HS3ST5: variants seen among roughly 807,000 people sequenced by gnomAD.
HS3ST5 encodes heparan sulfate glucosamine 3-O-sulfotransferase 5.
A neutral mutation model predicts 25.4 loss-of-function variants in HS3ST5; 10 were observed. The observed-to-expected ratio is 0.39, with a 90% CI of 0.24 to 0.67. The LOEUF (loss-of-function observed/expected upper bound fraction) is 0.67. Among genes scored for constraint, HS3ST5 ranks in the 30% least tolerant of loss-of-function variants. The pLI, the probability that HS3ST5 is intolerant of heterozygous loss-of-function variation, is 0.44. For synonymous variants in HS3ST5, 170 were observed against 162.4 expected (o/e 1.05, Z -0.36); for missense variants, 324 against 420.7 (o/e 0.77, Z 2.01).
chr6:114,289,787 T>G (rs1169229353), intron 1 of HS3ST5, among the ~76,000 whole-genome samples: 1 of 152,166 alleles, frequency 6.6e-6, no homozygotes, highest in African/African-American at 2.4e-5. Flanking sequence ...CAGATAGAGC[T>G]GAACTCAGGA....
intron 2 of HS3ST5, among the ~76,000 whole-genome samples, chr6:114,183,372 G>T (rs1160686421): frequency 6.6e-6 from 1 of 152,152 alleles, no homozygotes; most frequent in Non-Finnish European, 1.5e-5. Context: ...CTGCTGCCAT[G>T]TGAGATGTGC....
intron 1 of HS3ST5, among the ~76,000 whole-genome samples, chr6:114,282,511 A>G (rs1774159779): frequency 1.3e-5 from 2 of 151,988 alleles, no homozygotes. Context: ...CTGTCGGAGG[A>G]TACAGCTGCC....
intron 1 of HS3ST5, among the ~76,000 whole-genome samples, chr6:114,229,886 A>T (rs1771493133): frequency 6.6e-6 from 1 of 152,206 alleles, no homozygotes; most frequent in Non-Finnish European, 1.5e-5. Context: ...GTGAAGGATG[A>T]GCAACTTAAC....
chr6:114,156,803 C>T (rs1778718789), intron 3 of HS3ST5, among the ~76,000 whole-genome samples: 1 of 152,116 alleles, frequency 6.6e-6, no homozygotes, highest in African/African-American at 2.4e-5. Context: ...GTAGCTATTC[C>T]TTCTCGGTGT....
chr6:114,063,893 G>A (rs1046970063), intron 3 of HS3ST5, among the ~76,000 whole-genome samples: 2 of 152,122 alleles, frequency 1.3e-5, no homozygotes, highest in South Asian at 2.1e-4. Context: ...AGACAGGTTT[G>A]GTGATATTGG....
intron 1 of HS3ST5, among the ~76,000 whole-genome samples, chr6:114,244,420 G>T (rs192793824): frequency 6.6e-6 from 1 of 152,170 alleles, no homozygotes; most frequent in African/African-American, 2.4e-5. Flanking sequence ...AAACCATTCT[G>T]AGGCTCATTT....
At chr6:114,155,340 G>C (rs1778650438) in intron 3 of HS3ST5, among the ~76,000 whole-genome samples, 1 of 152,108 alleles carries the variant, frequency 6.6e-6, no homozygotes. Context: ...AAAGAATAGA[G>C]AGTAAAGTGA....
chr6:114,294,098 G>C lies in HS3ST5; in HGVS notation c.-339+48097C>G, dbSNP rs759369395. Among the ~76,000 whole-genome samples the C allele has an allele frequency of 1.4e-4, 22 of 152,300 alleles. 1 individual carries two copies. The highest frequency in any genetic ancestry group is 3.1e-4 in the Non-Finnish European group (21 of 68,024). The stretch of plus-strand genomic sequence containing the variant: ...CACCTAATCTCAATAACGTGTTAAG[G>C]AGAAACACTTAAGGAGAAGCAGCTG... On this transcript the variant is annotated intron_variant, in intron 1 of 4. Transcript: ENST00000312719.
At chr6:114,172,251 C>T (rs912125334) in intron 2 of HS3ST5, among the ~76,000 whole-genome samples, 1 of 152,138 alleles carries the variant, frequency 6.6e-6, no homozygotes, top group African/African-American at 2.4e-5. Flanking sequence ...TCTCAATTAC[C>T]ACAACTGCCA....
chr6:114,205,374 G>A (rs911765380), intron 2 of HS3ST5, among the ~76,000 whole-genome samples: 2 of 152,122 alleles, frequency 1.3e-5, no homozygotes, highest in African/African-American at 4.8e-5. Context: ...CAACTCAGGA[G>A]ACACCAAATG....
At chr6:114,258,675 C>T (rs1486198017) in intron 1 of HS3ST5, among the ~76,000 whole-genome samples, 1 of 152,094 alleles carries the variant, frequency 6.6e-6, no homozygotes, top group African/African-American at 2.4e-5. Flanking sequence ...TTGTCCTGCT[C>T]TTGATCTTTG....
intron 1 of HS3ST5, among the ~76,000 whole-genome samples, chr6:114,296,898 G>C (rs1774847021): frequency 6.6e-6 from 1 of 152,320 alleles, no homozygotes; most frequent in East Asian, 1.9e-4. Flanking sequence ...TTCAGCCTAT[G>C]CCAGAGTGCC....
At chr6:114,301,050 G>A (rs7770227) in intron 1 of HS3ST5, among the ~76,000 whole-genome samples, 50,336 of 151,942 alleles carry the variant, frequency 0.33, 9,097 homozygotes, top group Non-Finnish European at 0.41. Context: ...GATTACTGAG[G>A]GGATGAAGAA....
At chr6:114,215,643 G>A (rs148663256) in intron 2 of HS3ST5, among the ~76,000 whole-genome samples, 120 of 151,924 alleles carry the variant, frequency 7.9e-4, no homozygotes, top group African/African-American at 2.7e-3. Context: ...GGCCATCAAG[G>A]CTTCCTCTCC....
At chr6:114,229,054 T>G (rs536690088) in intron 1 of HS3ST5, among the ~76,000 whole-genome samples, 88 of 152,320 alleles carry the variant, frequency 5.8e-4, no homozygotes, top group African/African-American at 2.0e-3. Context: ...ATTTTTGATA[T>G]GCAGGTGCTA....
chr6:114,105,439 A>G lies in HS3ST5; in HGVS notation c.-32-42562T>C, dbSNP rs1045672404. Among the ~76,000 whole-genome samples, 49 of 152,278 alleles carry G rather than the reference A, an allele frequency of 3.2e-4. 1 individual carries two copies. The highest frequency in any genetic ancestry group is 9.9e-4 in the African/African-American group (41 of 41,568). ...TTTATATGATTGGCAGGATAATTTT[A>G]CCATTTTATCTCAAGGAAGAAGTTT... is the stretch of plus-strand genomic sequence containing the variant. On this transcript the variant is annotated intron_variant, in intron 3 of 4. Transcript: ENST00000312719.
At chr6:114,341,589 C>CCGCGCGCG (rs5879260) in intron 1 of HS3ST5, among the ~76,000 whole-genome samples, 4 of 145,888 alleles carry the variant, frequency 2.7e-5, no homozygotes, top group Non-Finnish European at 6.1e-5. Context: ...TGCATCCATC[C>CCGCGCGCG]CGCGCGCGCG....
Position 114,217,862 on chromosome 6 carries a change from C to T in HS3ST5, c.-145+10723G>A, listed in dbSNP as rs138977128. Among the ~76,000 whole-genome samples, 303 of 152,304 alleles carry T rather than the reference C, an allele frequency of 2.0e-3. 1 individual carries two copies. The highest frequency in any genetic ancestry group is 7.1e-3 in the African/African-American group (296 of 41,560). On this transcript the variant is annotated intron_variant, in intron 2 of 4. Coordinates refer to ENST00000312719, the MANE Select transcript of HS3ST5 (RefSeq NM_153612.4). ...GAAAACTCAGCCACAGATGGCTCTA[C>T]CACTAACCTGGAAAAAGTAGGACTC...
At chr6:114,107,234 C>T (rs943193196) in intron 3 of HS3ST5, among the ~76,000 whole-genome samples, 2 of 152,040 alleles carry the variant, frequency 1.3e-5, no homozygotes, top group Non-Finnish European at 2.9e-5. Flanking sequence ...GATGGTTTTA[C>T]ATTTGAAAAT....
Sources: allele counts gnomAD v4.1 joint callset (sites outside exome capture counted in the v4.1 genomes callset), GRCh38; gene constraint gnomAD v4.1.1; transcripts MANE v1.5; gene names NCBI Gene and HGNC (gene_info 2026-07-23, HGNC 2026-07-21).